The following PSG7 variants were observed in gnomAD, a reference collection of about 807,000 sequenced individuals.
The protein encoded by PSG7 is pregnancy-specific beta-1-glycoprotein 7.
PSG7 carries 57 observed loss-of-function variants against 45.6 expected under a neutral mutation model. The ratio of observed to expected loss-of-function variants is 1.25; its 90% CI spans 1.01 to 1.56. The LOEUF (loss-of-function observed/expected upper bound fraction) is 1.56, where lower values mean the gene tolerates loss of function less well. Among genes scored for constraint, PSG7 ranks in the 40% most tolerant of loss-of-function variants. The probability of loss-of-function intolerance (pLI) is 0.00; values close to 1 mark genes in which losing one functional copy is unlikely to be tolerated. For missense variants in PSG7, 796 were observed against 508.4 expected (o/e 1.57, Z -5.44); for synonymous variants, 298 against 194.4 (o/e 1.53, Z -4.43).
At chr19:42,928,170 C>G (rs539239226) in intron 3 of PSG7, among the ~76,000 whole-genome samples, 4 of 151,658 alleles carry the variant, frequency 2.6e-5, no homozygotes, top group African/African-American at 7.3e-5. Context: ...AATGCCTTGG[C>G]ATGTGAGAAA....
intron 3 of PSG7, chr19:42,929,124 C>A: frequency 2.1e-6 from 1 of 477,564 alleles, no homozygotes; most frequent in Non-Finnish European, 3.6e-6. Context: ...CACAGTGACC[C>A]TGTGAGTCAA....
chr19:42,935,222 A>T (rs1973119687), intron 2 of PSG7, among the ~76,000 whole-genome samples, 182 bp downstream of exon 2: 1 of 151,858 alleles, frequency 6.6e-6, no homozygotes, highest in Non-Finnish European at 1.5e-5. Flanking sequence ...GATGTGAGAA[A>T]GGAATTCTGA....
At chr19:42,936,714 C>T (rs1451231076) in intron 1 of PSG7, among the ~76,000 whole-genome samples, 1 of 151,196 alleles carries the variant, frequency 6.6e-6, no homozygotes, top group Non-Finnish European at 1.5e-5. Context: ...GTGGTGCTAT[C>T]TCGGCTAGCT....
In PSG7 at chr19:42,935,779, G is replaced by C; in HGVS notation, c.65-10C>G. Reference sequence around the variant, plus strand: ...AAGTTTAAAAGTGATGCTAGGAGGTGGAGAGAGCATCAGTCAATATTGAGA... The same window carrying C: ...AAGTTTAAAAGTGATGCTAGGAGGTCGAGAGAGCATCAGTCAATATTGAGA... On this transcript the variant is annotated splice_polypyrimidine_tract_variant and intron_variant, in intron 1 of 5. Transcript: ENST00000406070. 6.2e-7 allele frequency: 1 copy of C among 1,604,462 alleles called. No homozygotes were observed. The highest frequency in any genetic ancestry group is 8.5e-7 in the Non-Finnish European group (1 of 1,175,512).
intron 1 of PSG7, 146 bp from the exon 2 acceptor site, chr19:42,935,915 AACAC>A (rs147024666): frequency 4.7e-5 from 15 of 321,574 alleles, no homozygotes; most frequent in Non-Finnish European, 6.8e-5. Context: ...CACACACACA[AACAC>A]ACACACACAC....
intron 2 of PSG7, among the ~76,000 whole-genome samples, chr19:42,933,305 A>ATTTT (rs1294208407): frequency 2.9e-3 from 40 of 13,732 alleles, no homozygotes; most frequent in Non-Finnish European, 5.6e-3. Context: ...ATATATATAT[A>ATTTT]TATTTTTTTT....
intron 3 of PSG7, 139 bp downstream of exon 3, chr19:42,929,303 G>T: frequency 1.3e-6 from 2 of 1,565,126 alleles, no homozygotes; most frequent in Admixed American, 3.6e-5. Flanking sequence ...GTTTGCCTGG[G>T]GCAGGAAGTC....
At position 42,924,668 on chromosome 19, in the gene PSG7, C is replaced by T. The variant is rs1216268097; in HGVS notation, c.*140G>A. ...GAACATTTTGGTGAGTTCTGAGTGG[C>T]TCAGACATCAGGTACAAGGATTTTC... On this transcript the variant is annotated 3_prime_UTR_variant, in exon 6 of 6. Transcript: ENST00000406070. 5 of 754,774 alleles carry T rather than the reference C, an allele frequency of 6.6e-6. No individual in the cohort carries two copies. The highest frequency in any genetic ancestry group is 5.1e-5 in the African/African-American group (3 of 58,334). The allele number at this position is 754,774 out of a possible 1,614,324, so 46.8% of individuals were successfully genotyped here. A position where few individuals can be genotyped will look rare whatever the true frequency, so the allele number is the denominator to read the frequency against.
chr19:42,935,501 A>C lies in PSG7; in HGVS notation c.333T>G (p.Asn111Lys), dbSNP rs1436931196. 10 of 1,612,190 alleles carry C rather than the reference A, an allele frequency of 6.2e-6. 2 individuals are homozygous for C. In the East Asian group the frequency reaches 2.2e-4, roughly 36 times the overall value. The change falls in exon 2 of 6, where the codon AAT becomes AAG. Residue 111 changes from asparagine to lysine, a missense_variant. By Grantham distance (94) the Asn-to-Lys change is moderately conservative. Transcript: ENST00000406070. ...VYSNASLLIQ[N>K]VTQEDTGSYT... ...AGGATCCTGTGTCTTCCTGGGTGACATTCTGGATCAGCAGGGATGCATTGG... is the reference window on the plus strand; with the variant it reads ...AGGATCCTGTGTCTTCCTGGGTGACCTTCTGGATCAGCAGGGATGCATTGG...
chr19:42,925,637 T>C, intron 5 of PSG7, 136 bp downstream of exon 5: 1 of 1,552,898 alleles, frequency 6.4e-7, no homozygotes, highest in Non-Finnish European at 8.7e-7. Context: ...ATTTGGAGGG[T>C]TCAGGAGGAA....
intron 3 of PSG7, chr19:42,929,075 T>C (rs1044527377): frequency 1.2e-5 from 4 of 321,940 alleles, no homozygotes; most frequent in Admixed American, 4.0e-5. Flanking sequence ...ACAGGTGATA[T>C]TGTCAGAGGG....
At chr19:42,929,411 C>T (rs746164737) in intron 3 of PSG7, 31 bp downstream of exon 3, 9 of 1,611,808 alleles carry the variant, frequency 5.6e-6, no homozygotes, top group Admixed American at 5.0e-5. Context: ...GGGATGGCAG[C>T]CTGGCTAACA....
At chr19:42,930,690 G>A (rs1490524692) in intron 2 of PSG7, among the ~76,000 whole-genome samples, 3 of 151,512 alleles carry the variant, frequency 2.0e-5, no homozygotes, top group Non-Finnish European at 4.4e-5. Context: ...TTCTGAGTTT[G>A]ACTACTCTAT....
chr19:42,932,034 T>C (rs1216879703), intron 2 of PSG7, among the ~76,000 whole-genome samples: 5 of 151,456 alleles, frequency 3.3e-5, no homozygotes, highest in African/African-American at 1.2e-4. Flanking sequence ...ACAGCATTTT[T>C]TTTTTCTGAG....
At position 42,926,075 on chromosome 19, in the gene PSG7, G is replaced by T. The variant is rs757202469; in HGVS notation, c.989-48C>A. On this transcript the variant is annotated intron_variant, in intron 4 of 5. Transcript: ENST00000406070. ...ACAGGTGATGTTATCCGAGGGAAGG[G>T]GATGCTCCTGGTCTCTTAAAGGGAC... is the stretch of plus-strand genomic sequence containing the variant. The T allele has an allele frequency of 2.6e-5, 42 of 1,597,214 alleles. 1 individual carries two copies. The highest frequency in any genetic ancestry group is 3.5e-5 in the Non-Finnish European group (41 of 1,170,784).
Position 42,929,575 on chromosome 19 carries a change from G to A in PSG7, c.576C>T (p.Ser192=), listed in dbSNP as rs757886695. Reference sequence around the variant, plus strand: ...TCCTGTTGGTTTCAGACAGCTGCAAGCTGTGAGTCATAGGGAGGCTCTGAC... The same window carrying A: ...TCCTGTTGGTTTCAGACAGCTGCAAACTGTGAGTCATAGGGAGGCTCTGAC... ...MNGQSLPMTH[S]LQLSETNRTL... is the part of the protein sequence containing the mutation. The change falls in exon 3 of 6, where the codon AGC becomes AGT. Residue 192 remains serine (S), a synonymous_variant. Transcript: ENST00000406070. 7 of 1,612,496 alleles carry A rather than the reference G, an allele frequency of 4.3e-6. 1 individual carries two copies. In the African/African-American group the frequency reaches 9.4e-5, roughly 22 times the overall value.
chr19:42,928,837 G>A (rs143527216), intron 3 of PSG7, among the ~76,000 whole-genome samples: 19,985 of 151,310 alleles, frequency 0.13, 1,777 homozygotes, highest in Admixed American at 0.17. Flanking sequence ...CAGTGGCTGA[G>A]TTATGGATGA....
rs782647514 is a variant in PSG7 at position 42,935,796 on chromosome 19, A to G, written c.65-27T>C. The G allele has an allele frequency of 4.0e-5, 63 of 1,593,530 alleles. 3 individuals carry two copies. The South Asian group carries it at 7.1e-4, about 18-fold the overall frequency. On this transcript the variant is annotated intron_variant, in intron 1 of 5. Coordinates refer to ENST00000406070, the MANE Select transcript of PSG7 (RefSeq NM_002783.3). ...TAGGAGGTGGAGAGAGCATCAGTCA[A>G]TATTGAGACCTATGTGTTGGGTTGA...
chr19:42,935,548 T>C lies in PSG7; in HGVS notation c.286A>G (p.Ser96Gly), dbSNP rs782201530. The C allele has an allele frequency of 1.2e-6, 2 of 1,612,162 alleles. No homozygotes were observed. The highest frequency in any genetic ancestry group is 1.7e-6 in the Non-Finnish European group (2 of 1,179,074). ...TTGGAATATACTGTTTCTCGTCCACTGTATGCAGGCCCATATTTAATTATT... is the reference window on the plus strand; with the variant it reads ...TTGGAATATACTGTTTCTCGTCCACCGTATGCAGGCCCATATTTAATTATT... The part of the protein sequence containing the change: ...GQIIKYGPAY[S>G]GRETVYSNAS... The change falls in exon 2 of 6, where the codon AGT becomes GGT. Residue 96 changes from serine to glycine, a missense_variant. Transcript: ENST00000406070.
Sources: gnomAD v4.1 joint callset for allele counts (sites outside exome capture counted in the v4.1 genomes callset) on GRCh38, gnomAD v4.1.1 for gene constraint, MANE v1.5 for transcripts, NCBI Gene and HGNC (gene_info 2026-07-23, HGNC 2026-07-21) for gene names.